Variants in DDIAS observed in about 807,000 individuals in gnomAD.
DDIAS encodes the protein DNA damage induced apoptosis suppressor.
DDIAS carries 14 observed loss-of-function variants against 15.7 expected under a neutral mutation model. The observed-to-expected ratio is 0.89, with a 90% confidence interval of 0.59 to 1.39. The LOEUF (loss-of-function observed/expected upper bound fraction) is 1.39, where lower values mean the gene tolerates loss of function less well. Ranked by LOEUF, DDIAS falls within the 40% of genes most tolerant of loss-of-function variation. The pLI is 0.00. For synonymous variants in DDIAS, 355 were observed against 395.9 expected (o/e 0.90, Z 1.23); for missense variants, 1,035 against 1,130.9 (o/e 0.92, Z 1.22).
intron 3 of DDIAS, among the ~76,000 whole-genome samples, chr11:82,921,353 C>T (rs1590806229): frequency 6.6e-6 from 1 of 151,964 alleles, no homozygotes; most frequent in Non-Finnish European, 1.5e-5. Flanking sequence ...AACATTTATG[C>T]CATTTACATT....
At chr11:82,927,944 A>G (rs1192741518) in intron 3 of DDIAS, among the ~76,000 whole-genome samples, 6 of 152,212 alleles carry the variant, frequency 3.9e-5, no homozygotes, top group Non-Finnish European at 7.3e-5. Flanking sequence ...CAATAGAGTT[A>G]CACTGCCATG....
At chr11:82,929,703 C>CA (rs35770177) in intron 4 of DDIAS, among the ~76,000 whole-genome samples, 29,517 of 85,784 alleles carry the variant, frequency 0.34, 3,487 homozygotes, top group Admixed American at 0.4. Context: ...GACTCTGTCT[C>CA]AAAAAAAAAA....
chr11:82,928,613 G>A (rs1057130166), intron 3 of DDIAS, among the ~76,000 whole-genome samples, 164 bp from the exon 4 acceptor site: 1 of 152,166 alleles, frequency 6.6e-6, no homozygotes, highest in Non-Finnish European at 1.5e-5. Context: ...ATTCTGACTA[G>A]AGAAATTTAA....
chr11:82,934,311 T>C lies in DDIAS; in HGVS notation c.2973T>C (p.Ala991=), dbSNP rs1461779851. The change falls in exon 6 of 6, where the codon GCT becomes GCC. Residue 991 remains alanine (A), a synonymous_variant. Coordinates refer to ENST00000533655, the MANE Select transcript of DDIAS (RefSeq NM_145018.4). ...CTTCAGTGTGTGAAACTCGAAGTGCTTGGTCACCTGAATTGTTTTCATAAA... is the reference window on the plus strand; with the variant it reads ...CTTCAGTGTGTGAAACTCGAAGTGCCTGGTCACCTGAATTGTTTTCATAAA... ...GPPSVCETRS[A]WSPELFS is the part of the protein sequence containing the mutation. 6.3e-7 allele frequency: 1 copy of C among 1,596,892 alleles called. No individual in the cohort carries two copies. The highest frequency in any genetic ancestry group is 1.8e-5 in the Admixed American group (1 of 55,486).
Position 82,931,850 on chromosome 11 carries a change from G to T in DDIAS, c.512G>T (p.Gly171Val). The change falls in exon 6 of 6, where the codon GGT becomes GTT. Residue 171 changes from glycine to valine, a missense_variant. Transcript: ENST00000533655. ...TGCCAGATTGTTCTACCAGACCCAG[G>T]TATTGCAGGCTTTACTGTCATTGAC... ...VACQIVLPDP[G>V]IAGFTVIDYF... The T allele has an allele frequency of 6.2e-7, 1 of 1,614,164 alleles. No individual in the cohort carries two copies. Among genetic ancestry groups the T allele is most frequent in the Non-Finnish European group, 8.5e-7 (1 of 1,180,018 alleles).
chr11:82,910,935 T>TA (rs767151000), intron 1 of DDIAS, among the ~76,000 whole-genome samples: 1 of 152,206 alleles, frequency 6.6e-6, no homozygotes, highest in Non-Finnish European at 1.5e-5. Context: ...AATATTGCAG[T>TA]AAAGCAAGTC....
intron 3 of DDIAS, among the ~76,000 whole-genome samples, chr11:82,919,818 A>G (rs892172707): frequency 1.5e-4 from 23 of 151,874 alleles, no homozygotes; most frequent in African/African-American, 5.6e-4. Context: ...TGCAAGCTCT[A>G]CCTCTCTTCA....
chr11:82,910,235 T>G (rs566244631), intron 1 of DDIAS, among the ~76,000 whole-genome samples: 2 of 152,260 alleles, frequency 1.3e-5, no homozygotes, highest in East Asian at 3.9e-4. Context: ...GTTATATGTT[T>G]TATGTTATGC....
intron 3 of DDIAS, among the ~76,000 whole-genome samples, chr11:82,917,572 G>A (rs1182223004): frequency 2.6e-5 from 4 of 152,082 alleles, no homozygotes; most frequent in African/African-American, 9.7e-5. Flanking sequence ...TTGGTTCCAC[G>A]ATTTTGCAAT....
intron 3 of DDIAS, among the ~76,000 whole-genome samples, chr11:82,920,319 A>G (rs983282711): frequency 2.6e-5 from 4 of 151,756 alleles, no homozygotes; most frequent in Non-Finnish European, 4.4e-5. Context: ...ATCTTTTCAA[A>G]GAGCCAGCTT....
chr11:82,903,246 G>C (rs999293491), intron 1 of DDIAS, among the ~76,000 whole-genome samples: 4 of 152,196 alleles, frequency 2.6e-5, no homozygotes, highest in African/African-American at 9.7e-5. Flanking sequence ...AGGAGATAAT[G>C]GTGATTTGGA....
chr11:82,918,024 C>T (rs1436646099), intron 3 of DDIAS, among the ~76,000 whole-genome samples: 1 of 152,110 alleles, frequency 6.6e-6, no homozygotes, highest in African/African-American at 2.4e-5. Flanking sequence ...GTTGTAGATT[C>T]TGGATGTTAG....
chr11:82,911,812 A>G (rs1860534936), intron 1 of DDIAS, among the ~76,000 whole-genome samples: 1 of 152,268 alleles, frequency 6.6e-6, no homozygotes, highest in South Asian at 2.1e-4. Flanking sequence ...TGTTTCTGAA[A>G]TAATAAGACT....
Position 82,933,153 on chromosome 11 carries a change from T to C in DDIAS, c.1815T>C (p.Asp605=). ...ATAGGAAGTATAATGATGTCTCTGA[T>C]CTTTGCAAATTAGAAAATAAACAAT... ...LCYRKYNDVS[D]LCKLENKQYC... is the part of the protein sequence containing the mutation. Residue 605 remains aspartate, a synonymous_variant, in exon 6 of 6, where the codon GAT becomes GAC. Coordinates refer to ENST00000533655, the MANE Select transcript of DDIAS (RefSeq NM_145018.4). The C allele has an allele frequency of 6.2e-7, 1 of 1,610,332 alleles. No individual in the cohort carries two copies. Among genetic ancestry groups the C allele is most frequent in the Non-Finnish European group, 8.5e-7 (1 of 1,179,780 alleles).
At chr11:82,904,057 A>G (rs535590367) in intron 1 of DDIAS, among the ~76,000 whole-genome samples, 99 of 152,356 alleles carry the variant, frequency 6.5e-4, no homozygotes, top group African/African-American at 2.2e-3. Context: ...ATCAGAAGGC[A>G]TGAGTTCCAG....
intron 3 of DDIAS, among the ~76,000 whole-genome samples, chr11:82,915,474 G>A (rs1442678493): frequency 6.6e-6 from 1 of 152,204 alleles, no homozygotes; most frequent in Non-Finnish European, 1.5e-5. Flanking sequence ...GTAAGAAAGA[G>A]TAGTGTGCCA....
chr11:82,919,039 A>C (rs1590804834), intron 3 of DDIAS, among the ~76,000 whole-genome samples: 5 of 152,192 alleles, frequency 3.3e-5, no homozygotes, highest in African/African-American at 1.2e-4. Context: ...TATTGTCAGC[A>C]AACAGTGACA....
At chr11:82,910,423 G>A (rs1354446741) in intron 1 of DDIAS, among the ~76,000 whole-genome samples, 1 of 151,220 alleles carries the variant, frequency 6.6e-6, no homozygotes, top group Admixed American at 6.6e-5. Flanking sequence ...GATTACAGGT[G>A]CACACCAGGC....
chr11:82,909,309 C>G (rs894897984), intron 1 of DDIAS: 1 of 152,188 alleles, frequency 6.6e-6, no homozygotes, highest in African/African-American at 2.4e-5. Flanking sequence ...CCAGAGGTCA[C>G]TCTCATCACC....
Sources: gnomAD v4.1 joint callset for allele counts (sites outside exome capture counted in the v4.1 genomes callset) on GRCh38, gnomAD v4.1.1 for gene constraint, MANE v1.5 for transcripts, NCBI Gene and HGNC (gene_info 2026-07-23, HGNC 2026-07-21) for gene names.